Variants in DPH6 observed in about 807,000 individuals in gnomAD.
DPH6 encodes diphthamine biosynthesis 6.
DPH6 carries 33 observed loss-of-function variants against 38.2 expected under a neutral mutation model. That is an observed-to-expected ratio of 0.86 (90% confidence interval 0.65 to 1.15). DPH6 has a LOEUF of 1.15. Among genes scored for constraint, DPH6 ranks in the 50% most tolerant of loss-of-function variants. The pLI is 0.00. For missense variants in DPH6, 325 were observed against 320.0 expected (o/e 1.02, Z -0.12); for synonymous variants, 108 against 103.0 (o/e 1.05, Z -0.30).
At chr15:35,434,200 C>T (rs1183471403) in intron 5 of DPH6, among the ~76,000 whole-genome samples, 2 of 151,988 alleles carry the variant, frequency 1.3e-5, no homozygotes, top group Non-Finnish European at 2.9e-5. Context: ...ATACCTAATA[C>T]GACTAGGTCT....
At chr15:35,504,942 A>T (rs1455414009) in intron 3 of DPH6, among the ~76,000 whole-genome samples, 1 of 152,124 alleles carries the variant, frequency 6.6e-6, no homozygotes, top group Non-Finnish European at 1.5e-5. Context: ...AAGCCACAAG[A>T]CTTAAGCATG....
chr15:35,186,058 G>A, the DPH6 span, among the ~76,000 whole-genome samples: 1 of 151,982 alleles, frequency 6.6e-6, no homozygotes, highest in African/African-American at 2.4e-5. Flanking sequence ...TTTATACAAA[G>A]GAAACAAAGT....
the DPH6 span, among the ~76,000 whole-genome samples, chr15:35,177,968 A>C: frequency 1.3e-5 from 2 of 152,024 alleles, no homozygotes; most frequent in Non-Finnish European, 2.9e-5. Flanking sequence ...ATAATGTGAT[A>C]CTTTGTAATT....
At chr15:35,161,586 C>A in the DPH6 span, among the ~76,000 whole-genome samples, 1 of 151,886 alleles carries the variant, frequency 6.6e-6, no homozygotes, top group Non-Finnish European at 1.5e-5. Flanking sequence ...GGAGATGGAG[C>A]TTTTGGGAAG....
the DPH6 span, among the ~76,000 whole-genome samples, chr15:35,199,720 A>G: frequency 6.6e-6 from 1 of 152,076 alleles, no homozygotes; most frequent in Non-Finnish European, 1.5e-5. Flanking sequence ...AAAAAAAAGA[A>G]TGGGGATATT....
At chr15:35,429,583 A>G (rs577499272) in intron 5 of DPH6, among the ~76,000 whole-genome samples, 1 of 152,244 alleles carries the variant, frequency 6.6e-6, no homozygotes, top group African/African-American at 2.4e-5. Flanking sequence ...CCATGTTGAT[A>G]CTGACCTACT....
intron 3 of DPH6, among the ~76,000 whole-genome samples, chr15:35,458,748 G>T (rs541264240): frequency 6.6e-6 from 1 of 152,258 alleles, no homozygotes; most frequent in Non-Finnish European, 1.5e-5. Context: ...TAGACTCTGG[G>T]ACCCTATCCC....
intron 3 of DPH6, among the ~76,000 whole-genome samples, chr15:35,279,640 C>T (rs538615714): frequency 1.3e-5 from 2 of 152,220 alleles, no homozygotes; most frequent in East Asian, 3.9e-4. Flanking sequence ...TGCACCTGCT[C>T]CCCTTTGCCT....
chr15:35,433,558 T>C (rs1477437217), intron 5 of DPH6, among the ~76,000 whole-genome samples: 1 of 152,208 alleles, frequency 6.6e-6, no homozygotes, highest in Non-Finnish European at 1.5e-5. Context: ...AAATTGGTTC[T>C]TTCACAATTA....
intron 3 of DPH6, among the ~76,000 whole-genome samples, chr15:35,268,255 TAATAA>T (rs1344621589): frequency 1.3e-5 from 2 of 151,592 alleles, no homozygotes; most frequent in African/African-American, 4.8e-5. Flanking sequence ...AGTGTATCAT[TAATAA>T]AATAAAATGG....
At chr15:35,499,855 T>C (rs1473173786) in intron 3 of DPH6, among the ~76,000 whole-genome samples, 2 of 152,326 alleles carry the variant, frequency 1.3e-5, no homozygotes, top group African/African-American at 2.4e-5. Flanking sequence ...AGGAAGTAAC[T>C]TGCTAATAGC....
chr15:35,155,751 T>C, the DPH6 span, among the ~76,000 whole-genome samples: 1 of 152,242 alleles, frequency 6.6e-6, no homozygotes, highest in Admixed American at 6.5e-5. Flanking sequence ...CTTATTTGAA[T>C]TGTGTTCTTT....
At chr15:35,381,433 A>C (rs553054478) in intron 7 of DPH6, among the ~76,000 whole-genome samples, 1 of 151,364 alleles carries the variant, frequency 6.6e-6, no homozygotes, top group South Asian at 2.1e-4. Flanking sequence ...AAAAGAAAAA[A>C]GAGGAAGGAG....
At chr15:35,428,017 A>T (rs2053590449) in intron 5 of DPH6, among the ~76,000 whole-genome samples, 1 of 152,030 alleles carries the variant, frequency 6.6e-6, no homozygotes. Context: ...CCAAACCAAG[A>T]AGGAAAGTAG....
chr15:35,480,580 T>A (rs2141147727), intron 3 of DPH6, among the ~76,000 whole-genome samples: 1 of 152,184 alleles, frequency 6.6e-6, no homozygotes. Context: ...TAGTTTAACA[T>A]TTTTATCCAT....
chr15:35,258,121 ATTC>A (rs1255474740), intron 3 of DPH6, among the ~76,000 whole-genome samples: 3 of 152,134 alleles, frequency 2.0e-5, no homozygotes, highest in Non-Finnish European at 2.9e-5. Flanking sequence ...GCAAGGTGTT[ATTC>A]TTGTTTTTAA....
intron 6 of DPH6, among the ~76,000 whole-genome samples, chr15:35,382,615 C>T (rs1483824599): frequency 6.6e-6 from 1 of 152,034 alleles, no homozygotes; most frequent in Non-Finnish European, 1.5e-5. Flanking sequence ...GGAATGAAAA[C>T]GCTGTGTTTA....
intron 3 of DPH6, among the ~76,000 whole-genome samples, chr15:35,339,176 G>C (rs1299600891): frequency 2.0e-5 from 3 of 151,556 alleles, no homozygotes; most frequent in Admixed American, 6.6e-5. Flanking sequence ...AGAACTTAAA[G>C]TATAATAAAA....
At chr15:35,178,399 C>T in the DPH6 span, among the ~76,000 whole-genome samples, 1 of 152,146 alleles carries the variant, frequency 6.6e-6, no homozygotes, top group Non-Finnish European at 1.5e-5. Context: ...TCTTACATGG[C>T]AGCAGGCAAG....
Sources: allele counts gnomAD v4.1 joint callset (sites outside exome capture counted in the v4.1 genomes callset), GRCh38; gene constraint gnomAD v4.1.1; transcripts MANE v1.5; gene names NCBI Gene and HGNC (gene_info 2026-07-23, HGNC 2026-07-21).